Variants in ZC2HC1B observed in about 807,000 individuals in gnomAD.
The protein encoded by ZC2HC1B is zinc finger C2HC domain-containing protein 1B.
In ZC2HC1B, 36 loss-of-function variants were observed where a neutral mutation model predicts 31.0. The observed-to-expected ratio is 1.16, with a 90% CI of 0.89 to 1.54. The LOEUF (loss-of-function observed/expected upper bound fraction) is 1.54, where lower values mean the gene tolerates loss of function less well. ZC2HC1B is among the 40% of genes most tolerant of loss of function. ZC2HC1B has a pLI of 0.00. For missense variants in ZC2HC1B, 260 were observed against 268.6 expected, an observed-to-expected ratio of 0.97 and a Z score of 0.22; for synonymous variants, 73 against 88.0, an observed-to-expected ratio of 0.83 and a Z score of 0.95.
At chr6:143,882,060 A>T (rs1313659421) in intron 1 of ZC2HC1B, among the ~76,000 whole-genome samples, 1 of 151,936 alleles carries the variant, frequency 6.6e-6, no homozygotes, top group Non-Finnish European at 1.5e-5. Flanking sequence ...CAGTATTACC[A>T]CTTACTACCT....
Position 143,924,679 on chromosome 6 carries a change from G to T in ZC2HC1B, c.599-12970G>T, listed in dbSNP as rs76535641. 2.1e-3 allele frequency among the ~76,000 whole-genome samples: 325 copies of T among 152,276 alleles called. 7 individuals carry two copies. In the East Asian group the frequency reaches 0.038, roughly 18 times the overall value. ...TATGACCTTTACTATGCTGAGGCAT[G>T]TTTCTTCTATGCCTAATTTGTTAAG... On this transcript the variant is annotated intron_variant, in intron 6 of 7. Coordinates refer to ENST00000237275, the MANE Select transcript of ZC2HC1B (RefSeq NM_001013623.3). This position sits in a 1 kb window ranked among gnomAD's most constrained non-coding sequence, Gnocchi z 5.2.
chr6:143,919,215 CTCTGTGTGTGTGTGTGTG>C (rs1405878361), intron 6 of ZC2HC1B, among the ~76,000 whole-genome samples: 1 of 124,070 alleles, frequency 8.1e-6, no homozygotes, highest in Non-Finnish European at 1.7e-5. Flanking sequence ...GTTTGCTATT[CTCTGTGTGTGTGTGTGTG>C]TGTGTGTGTG....
At position 143,886,627 on chromosome 6, in the gene ZC2HC1B, T is replaced by C; in HGVS notation, c.211-56T>C. The C allele has an allele frequency of 7.2e-7, 1 of 1,383,734 alleles. No individual in the cohort carries two copies. Among genetic ancestry groups the C allele is most frequent in the Non-Finnish European group, 9.4e-7 (1 of 1,062,584 alleles). 85.7% of individuals were successfully genotyped at this position (1,383,734 alleles called of 1,614,324 possible). A position where few individuals can be genotyped will look rare whatever the true frequency, so the allele number is the denominator to read the frequency against. The stretch of plus-strand genomic sequence containing the variant: ...ATTCAAATTCCAGCTTTAAACAAAA[T>C]TGTAATGGAGAGGTATATAGTCTAG... On this transcript the variant is annotated intron_variant, in intron 3 of 7. Transcript: ENST00000237275. The surrounding 1 kb of genome is among the most constrained non-coding windows in gnomAD (Gnocchi z 4.2).
chr6:143,914,926 T>C (rs1582970612), intron 6 of ZC2HC1B, among the ~76,000 whole-genome samples: 2 of 152,212 alleles, frequency 1.3e-5, no homozygotes, highest in African/African-American at 4.8e-5. Context: ...ATAGGCAGCA[T>C]GTAGTTTTAT....
chr6:143,867,237 T>C (rs887163136), intron 1 of ZC2HC1B, among the ~76,000 whole-genome samples: 1 of 152,204 alleles, frequency 6.6e-6, no homozygotes, highest in Non-Finnish European at 1.5e-5. Context: ...ATTAAGTATT[T>C]CCTTCTTTTT....
chr6:143,870,565 C>A lies in ZC2HC1B; in HGVS notation c.28+5998C>A, dbSNP rs1330995209. Among the ~76,000 whole-genome samples, 3 of 152,148 alleles carry A rather than the reference C, an allele frequency of 2.0e-5. No homozygotes were observed. The highest frequency in any genetic ancestry group is 2.9e-5 in the Non-Finnish European group (2 of 68,036). ...TGATGATGGATGCTGCTGTGCATGA[C>A]CCACTTTATGGCTAGATGGGTCAGA... On this transcript the variant is annotated intron_variant, in intron 1 of 7. Coordinates refer to ENST00000237275, the MANE Select transcript of ZC2HC1B (RefSeq NM_001013623.3). The surrounding 1 kb of genome is among the most constrained non-coding windows in gnomAD (Gnocchi z 4.7).
chr6:143,871,998 G>A lies in ZC2HC1B; in HGVS notation c.28+7431G>A, dbSNP rs1327975934. Among the ~76,000 whole-genome samples the A allele has an allele frequency of 6.6e-6, 1 of 152,080 alleles. No homozygotes were observed. Among genetic ancestry groups the A allele is most frequent in the African/African-American group, 2.4e-5 (1 of 41,400 alleles). On this transcript the variant is annotated intron_variant, in intron 1 of 7. Coordinates refer to ENST00000237275, the MANE Select transcript of ZC2HC1B (RefSeq NM_001013623.3). This position sits in a 1 kb window ranked among gnomAD's most constrained non-coding sequence, Gnocchi z 4.1. ...ACTGGAGGACCATAATGACGTTTTGGGTCCCCTGGAATCAACATCAGCTCA... is the reference window on the plus strand; with the variant it reads ...ACTGGAGGACCATAATGACGTTTTGAGTCCCCTGGAATCAACATCAGCTCA...
At position 143,899,710 on chromosome 6, in the gene ZC2HC1B, CA is replaced by C. The variant is rs1430342615; in HGVS notation, c.489+1020del. Among the ~76,000 whole-genome samples the C allele has an allele frequency of 6.6e-6, 1 of 152,186 alleles. No homozygotes were observed. The highest frequency in any genetic ancestry group is 1.5e-5 in the Non-Finnish European group (1 of 68,014). ...TGTTTAGAAAGCTTCTGGTTAAATC[CA>C]GTATGTAATGGGGTGGGACCGTTTC... On this transcript the variant is annotated intron_variant, in intron 5 of 7. Transcript: ENST00000237275. This position sits in a 1 kb window ranked among gnomAD's most constrained non-coding sequence, Gnocchi z 5.0.
intron 6 of ZC2HC1B, among the ~76,000 whole-genome samples, chr6:143,916,604 G>A (rs183159287): frequency 1.8e-4 from 28 of 152,344 alleles, no homozygotes; most frequent in African/African-American, 6.7e-4. Context: ...AGCCCCAGGG[G>A]TGGAGCTACC....
In ZC2HC1B at chr6:143,922,742, T is replaced by C. The variant is rs1309464380; in HGVS notation, c.599-14907T>C. On this transcript the variant is annotated intron_variant, in intron 6 of 7. Transcript: ENST00000237275. The surrounding 1 kb of genome is among the most constrained non-coding windows in gnomAD (Gnocchi z 5.0). ...TTTCAAATTTTATTCACATGTTTTATTCATTCATCCATTAATGAACATTTA... is the reference window on the plus strand; with the variant it reads ...TTTCAAATTTTATTCACATGTTTTACTCATTCATCCATTAATGAACATTTA... Among the ~76,000 whole-genome samples the C allele has an allele frequency of 6.6e-6, 1 of 152,220 alleles. No individual in the cohort carries two copies. Among genetic ancestry groups the C allele is most frequent in the African/African-American group, 2.4e-5 (1 of 41,470 alleles).
rs764146348 is a variant in ZC2HC1B at position 143,934,953 on chromosome 6, G to A, written c.599-2696G>A. ...ATGGCTTGCTCAGGTGCCAGCAGTG[G>A]CGATGGTGGGTGGCTCTTCAGGTTC... On this transcript the variant is annotated intron_variant, in intron 6 of 7. Coordinates refer to ENST00000237275, the MANE Select transcript of ZC2HC1B (RefSeq NM_001013623.3). The surrounding 1 kb of genome is among the most constrained non-coding windows in gnomAD (Gnocchi z 4.6). Among the ~76,000 whole-genome samples, 1 of 152,120 alleles carries A rather than the reference G, an allele frequency of 6.6e-6. No homozygotes were observed. Among genetic ancestry groups the A allele is most frequent in the African/African-American group, 2.4e-5 (1 of 41,416 alleles).
At chr6:143,916,656 A>T (rs1777920028) in intron 6 of ZC2HC1B, among the ~76,000 whole-genome samples, 2 of 152,218 alleles carry the variant, frequency 1.3e-5, no homozygotes, top group South Asian at 4.1e-4. Context: ...AGTGACCTGG[A>T]TGTGAGATAT....
rs978969027 is a variant in ZC2HC1B at position 143,922,900 on chromosome 6, G to A, written c.599-14749G>A. On this transcript the variant is annotated intron_variant, in intron 6 of 7. Coordinates refer to ENST00000237275, the MANE Select transcript of ZC2HC1B (RefSeq NM_001013623.3). The surrounding 1 kb of genome is among the most constrained non-coding windows in gnomAD (Gnocchi z 5.0). Reference sequence around the variant, plus strand: ...GAGATTACTAGATTTTGTGTTAGTTGTATTGTTAGTTTGTTGAGGAAACTT... The same window carrying A: ...GAGATTACTAGATTTTGTGTTAGTTATATTGTTAGTTTGTTGAGGAAACTT... 6.6e-6 allele frequency among the ~76,000 whole-genome samples: 1 copy of A among 152,102 alleles called. No individual in the cohort carries two copies. The highest frequency in any genetic ancestry group is 2.4e-5 in the African/African-American group (1 of 41,518).
intron 5 of ZC2HC1B, among the ~76,000 whole-genome samples, chr6:143,901,865 A>G (rs756320628): frequency 6.6e-6 from 1 of 152,062 alleles, no homozygotes; most frequent in Non-Finnish European, 1.5e-5. Flanking sequence ...AAAAGTTTGT[A>G]TGTATAAGTC....
rs555010931 is a variant in ZC2HC1B, at chr6:143,925,237, G to A, written c.599-12412G>A. 1.6e-3 allele frequency among the ~76,000 whole-genome samples: 219 copies of A among 140,104 alleles called. 2 individuals carry two copies. The highest frequency in any genetic ancestry group is 5.3e-3 in the African/African-American group (194 of 36,830). 91.9% of individuals were successfully genotyped at this position (140,104 alleles called of 152,430 possible). On this transcript the variant is annotated intron_variant, in intron 6 of 7. Transcript: ENST00000237275. The stretch of plus-strand genomic sequence containing the variant: ...GTCGCCCAGGCTGGAGTGCAGTGGT[G>A]CGATCTCCCCTCACTGCAAGCTCCG...
rs529606265 is a variant in ZC2HC1B at position 143,883,613 on chromosome 6, A to G, written c.29-691A>G. ...ATCTTTACATATTTGACTCCTGATGAACCAAAAGGAAGTAATACAAAAAAC... is the reference window on the plus strand; with the variant it reads ...ATCTTTACATATTTGACTCCTGATGGACCAAAAGGAAGTAATACAAAAAAC... On this transcript the variant is annotated intron_variant, in intron 1 of 7. Transcript: ENST00000237275. This position sits in a 1 kb window ranked among gnomAD's most constrained non-coding sequence, Gnocchi z 4.1. 6.6e-6 allele frequency among the ~76,000 whole-genome samples: 1 copy of G among 152,228 alleles called. No individual in the cohort carries two copies. The highest frequency in any genetic ancestry group is 6.5e-5 in the Admixed American group (1 of 15,286).
chr6:143,884,838 A>G lies in ZC2HC1B; in HGVS notation c.90+473A>G, dbSNP rs538913313. 3.1e-4 allele frequency among the ~76,000 whole-genome samples: 47 copies of G among 152,262 alleles called. 1 individual carries two copies. The Middle Eastern group carries it at 0.017, about 55-fold the overall frequency. ...CACGTATACAGAACCTTCAAATTTGAGGGTTTTTATACCATTTGAACAAAA... is the reference window on the plus strand; with the variant it reads ...CACGTATACAGAACCTTCAAATTTGGGGGTTTTTATACCATTTGAACAAAA... On this transcript the variant is annotated intron_variant, in intron 2 of 7. Coordinates refer to ENST00000237275, the MANE Select transcript of ZC2HC1B (RefSeq NM_001013623.3). This position sits in a 1 kb window ranked among gnomAD's most constrained non-coding sequence, Gnocchi z 5.1.
At chr6:143,920,112 TTATATTA>T (rs1777970859) in intron 6 of ZC2HC1B, among the ~76,000 whole-genome samples, 1 of 152,174 alleles carries the variant, frequency 6.6e-6, no homozygotes, top group South Asian at 2.1e-4. Flanking sequence ...AACAATTTCT[TTATATTA>T]TGGTTTCTTT....
intron 6 of ZC2HC1B, among the ~76,000 whole-genome samples, chr6:143,932,283 A>C (rs557068088): frequency 6.6e-6 from 1 of 152,214 alleles, no homozygotes; most frequent in Non-Finnish European, 1.5e-5. Flanking sequence ...CTTCGCCAGG[A>C]ACACCAATTA....
Sources: gnomAD v4.1 joint callset for allele counts (sites outside exome capture counted in the v4.1 genomes callset) on GRCh38, gnomAD v4.1.1 for gene constraint, Gnocchi (gnomAD v3.1) non-coding constraint, MANE v1.5 for transcripts, NCBI Gene and HGNC (gene_info 2026-07-23, HGNC 2026-07-21) for gene names.